Variants in XIRP2 observed in about 807,000 individuals in gnomAD.
XIRP2 encodes the protein xin actin binding repeat containing 2.
A neutral mutation model predicts 277.0 loss-of-function variants in XIRP2; 236 were observed. The ratio of observed to expected loss-of-function variants is 0.85; its 90% confidence interval spans 0.77 to 0.95. The LOEUF (loss-of-function observed/expected upper bound fraction) is 0.95, where lower values mean the gene tolerates loss of function less well. Ranked by LOEUF, XIRP2 falls within the 40% of genes least tolerant of loss-of-function variation. The probability of loss-of-function intolerance (pLI) is 0.00; values close to 1 mark genes in which losing one functional copy is unlikely to be tolerated. For synonymous variants in XIRP2, 1,490 were observed against 1,416.5 expected, an observed-to-expected ratio of 1.05 and a Z score of -1.17; for missense variants, 4,640 against 4,157.5, an observed-to-expected ratio of 1.12 and a Z score of -3.19.
chr2:167,229,268 A>G (rs1477242883), intron 5 of XIRP2, among the ~76,000 whole-genome samples: 1 of 152,172 alleles, frequency 6.6e-6, no homozygotes, highest in Non-Finnish European at 1.5e-5. Flanking sequence ...ATATTAGCTT[A>G]ACAATATAAA....
In XIRP2 at chr2:167,244,078, C is replaced by T. The variant is rs1294961672; in HGVS notation, c.2686C>T (p.Leu896Phe). The change falls in exon 9 of 11, where the codon CTT becomes TTT. Residue 896 changes from leucine (L) to phenylalanine (F), a missense_variant. By Grantham distance (22) the Leu-to-Phe change is conservative. Coordinates refer to ENST00000409195, the MANE Select transcript of XIRP2 (RefSeq NM_152381.6). ...ALKDSPDIGK[L>F]QKITASEEEK... ...AAAAGACAGTCCTGATATAGGAAAG[C>T]TTCAAAAAATCACTGCCTCTGAAGA... The T allele has an allele frequency of 6.2e-7, 1 of 1,613,768 alleles. No homozygotes were observed. Among genetic ancestry groups the T allele is most frequent in the South Asian group, 1.1e-5 (1 of 91,058 alleles).
intron 5 of XIRP2, among the ~76,000 whole-genome samples, chr2:167,228,182 T>C (rs938252411): frequency 6.6e-6 from 1 of 152,176 alleles, no homozygotes; most frequent in Non-Finnish European, 1.5e-5. Flanking sequence ...CATTACATTA[T>C]AGCCACACAC....
At chr2:166,933,781 C>A (rs1685415426) in intron 2 of XIRP2, among the ~76,000 whole-genome samples, 1 of 152,082 alleles carries the variant, frequency 6.6e-6, no homozygotes, top group African/African-American at 2.4e-5. Flanking sequence ...TACAAAGCTA[C>A]AATAATGAAG....
chr2:167,161,382 G>T (rs948230609), intron 3 of XIRP2, among the ~76,000 whole-genome samples: 1 of 152,208 alleles, frequency 6.6e-6, no homozygotes, highest in Non-Finnish European at 1.5e-5. Context: ...TGAGAGCACT[G>T]CCCCTGCAGC....
chr2:167,226,838 C>A (rs1363907886), intron 5 of XIRP2, among the ~76,000 whole-genome samples: 1 of 152,114 alleles, frequency 6.6e-6, no homozygotes, highest in Non-Finnish European at 1.5e-5. Context: ...CACCTCCTAC[C>A]CTTATCATGA....
intron 3 of XIRP2, among the ~76,000 whole-genome samples, chr2:167,173,660 G>T (rs73023995): frequency 0.099 from 15,039 of 152,168 alleles, 797 homozygotes; most frequent in South Asian, 0.15. Context: ...CAGTGGGATT[G>T]TTGGATAGTA....
intron 2 of XIRP2, among the ~76,000 whole-genome samples, chr2:167,058,780 T>A (rs1265906285): frequency 6.6e-6 from 1 of 152,158 alleles, no homozygotes. Flanking sequence ...GGTGGTCACG[T>A]CTGGAATCAA....
chr2:167,018,995 T>C lies in XIRP2; in HGVS notation c.408+115105T>C, dbSNP rs1275702758. 2.6e-5 allele frequency among the ~76,000 whole-genome samples: 4 copies of C among 151,964 alleles called. No individual in the cohort carries two copies. In the South Asian group the frequency reaches 6.2e-4, roughly 24 times the overall value. On this transcript the variant is annotated intron_variant, in intron 2 of 10. Coordinates refer to ENST00000409195, the MANE Select transcript of XIRP2 (RefSeq NM_152381.6). ...GAGTTATTTCTGCCTGCCACAGTTATAAGGATATAGTTATTGCTGAGCAAG... is the reference window on the plus strand; with the variant it reads ...GAGTTATTTCTGCCTGCCACAGTTACAAGGATATAGTTATTGCTGAGCAAG...
chr2:166,909,508 G>A (rs1269332640), intron 2 of XIRP2, among the ~76,000 whole-genome samples: 1 of 152,200 alleles, frequency 6.6e-6, no homozygotes, highest in Non-Finnish European at 1.5e-5. Context: ...AGCTTAAGGA[G>A]ATTTTGGGCT....
At chr2:166,923,770 T>C (rs1283524888) in intron 2 of XIRP2, among the ~76,000 whole-genome samples, 2 of 152,118 alleles carry the variant, frequency 1.3e-5, no homozygotes, top group Admixed American at 6.6e-5. Flanking sequence ...TGAAGGTTAA[T>C]CTTCATGTTG....
intron 1 of XIRP2, among the ~76,000 whole-genome samples, chr2:166,893,314 A>G (rs1684157010): frequency 6.6e-6 from 1 of 152,134 alleles, no homozygotes; most frequent in Non-Finnish European, 1.5e-5. Context: ...TTTTCTCTTC[A>G]AAAATGTAGA....
intron 4 of XIRP2, among the ~76,000 whole-genome samples, chr2:167,214,339 T>A (rs886168132): frequency 6.8e-6 from 1 of 146,022 alleles, no homozygotes; most frequent in Non-Finnish European, 1.5e-5. Flanking sequence ...TAGCCAAGCA[T>A]GATGGCGGGT....
intron 1 of XIRP2, among the ~76,000 whole-genome samples, chr2:166,892,355 T>A (rs913409252): frequency 6.6e-6 from 1 of 152,176 alleles, no homozygotes; most frequent in African/African-American, 2.4e-5. Context: ...GTATGGTGGG[T>A]GTTGGGAAAC....
chr2:166,970,229 TC>T (rs972393949), intron 2 of XIRP2, among the ~76,000 whole-genome samples: 43 of 152,178 alleles, frequency 2.8e-4, no homozygotes, highest in African/African-American at 1.0e-3. Flanking sequence ...TATGAAAAGT[TC>T]TTGTTGAGGG....
intron 2 of XIRP2, among the ~76,000 whole-genome samples, chr2:167,050,865 C>G (rs1054430120): frequency 2.6e-5 from 4 of 151,526 alleles, no homozygotes; most frequent in African/African-American, 4.8e-5. Context: ...GAGGGAGAAG[C>G]TCAATGAAGA....
intron 2 of XIRP2, among the ~76,000 whole-genome samples, chr2:166,939,469 A>T (rs1685626246): frequency 1.3e-5 from 2 of 151,930 alleles, no homozygotes; most frequent in South Asian, 4.2e-4. Context: ...TCACAAGGTC[A>T]GGAGATCAAG....
intron 5 of XIRP2, among the ~76,000 whole-genome samples, chr2:167,233,435 G>C (rs1180220450): frequency 6.6e-6 from 1 of 151,892 alleles, no homozygotes; most frequent in Non-Finnish European, 1.5e-5. Flanking sequence ...GCAGGTTAAG[G>C]TGAGATGGAA....
intron 2 of XIRP2, among the ~76,000 whole-genome samples, chr2:167,038,648 A>G (rs1407974610): frequency 9.2e-5 from 14 of 151,818 alleles, no homozygotes; most frequent in Non-Finnish European, 4.4e-5. Flanking sequence ...AATAATAAAT[A>G]TAAGTATTTA....
intron 2 of XIRP2, among the ~76,000 whole-genome samples, chr2:167,093,403 G>T (rs1026854048): frequency 6.6e-6 from 1 of 151,918 alleles, no homozygotes; most frequent in Non-Finnish European, 1.5e-5. Flanking sequence ...GTGCCCTGGT[G>T]GTTTGCTGCA....
Sources: allele counts gnomAD v4.1 joint callset (sites outside exome capture counted in the v4.1 genomes callset), GRCh38; gene constraint gnomAD v4.1.1; transcripts MANE v1.5; gene names NCBI Gene and HGNC (gene_info 2026-07-23, HGNC 2026-07-21).